Variants in MMP10 observed in about 807,000 individuals in gnomAD.
The protein encoded by MMP10 is matrix metallopeptidase 10, also known as stromelysin-2.
In MMP10, 50 loss-of-function variants were observed where a neutral mutation model predicts 49.1. The ratio of observed to expected loss-of-function variants is 1.02; its 90% CI spans 0.81 to 1.29. The LOEUF is 1.29. MMP10 is among the 50% of genes most tolerant of loss of function. The pLI, the probability that MMP10 is intolerant of heterozygous loss-of-function variation, is 0.00. For missense variants in MMP10, 613 were observed against 563.8 expected (o/e 1.09, Z -0.88); for synonymous variants, 229 against 201.6 (o/e 1.14, Z -1.15).
intron 9 of MMP10, 150 bp downstream of exon 9, chr11:102,771,862 A>G (rs1380432614): frequency 1.2e-5 from 8 of 641,744 alleles, no homozygotes; most frequent in Non-Finnish European, 2.2e-5. Context: ...CCCACTTTGC[A>G]TAAATTGGAA....
At chr11:102,775,064 A>C in intron 7 of MMP10, 124 bp downstream of exon 7, 1 of 662,370 alleles carries the variant, frequency 1.5e-6, no homozygotes, top group African/African-American at 1.9e-5. Context: ...TACAAATTTT[A>C]TTTAAGTGTT....
intron 4 of MMP10, among the ~76,000 whole-genome samples, chr11:102,777,059 G>A (rs530865170): frequency 6.6e-6 from 1 of 151,214 alleles, no homozygotes; most frequent in South Asian, 2.1e-4. Context: ...CAAATGAGAA[G>A]CATTATTTTC....
chr11:102,771,481 A>G (rs1307557134), intron 9 of MMP10, among the ~76,000 whole-genome samples: 1 of 152,210 alleles, frequency 6.6e-6, no homozygotes, highest in Non-Finnish European at 1.5e-5. Flanking sequence ...ATCAAGAACA[A>G]GTTTTGCTTT....
Position 102,776,876 on chromosome 11 carries a change from A to T in MMP10, c.623-100T>A, listed in dbSNP as rs77901490. The T allele has an allele frequency of 1.1e-3, 1,438 of 1,351,174 alleles. 14 individuals carry two copies. In the African/African-American group the frequency reaches 0.019, roughly 18 times the overall value. The allele number at this position is 1,351,174 out of a possible 1,614,324, so 83.7% of individuals were successfully genotyped here. A position where few individuals can be genotyped will look rare whatever the true frequency, so the allele number is the denominator to read the frequency against. ...CTGTACAGGCCATCCTTGAAACCACAATGTCTTTTCAGTATTTGTGGATTG... is the reference window on the plus strand; with the variant it reads ...CTGTACAGGCCATCCTTGAAACCACTATGTCTTTTCAGTATTTGTGGATTG... On this transcript the variant is annotated intron_variant, in intron 4 of 9. Transcript: ENST00000279441.
Position 102,772,945 on chromosome 11 carries a change from A to T in MMP10, c.1128T>A (p.His376Gln). 1.2e-6 allele frequency: 2 copies of T among 1,613,818 alleles called. No individual in the cohort carries two copies. Among genetic ancestry groups the T allele is most frequent in the East Asian group, 4.5e-5 (2 of 44,864 alleles). ...TTATGGTTGGAGGAAAACCCAGGGT[A>T]TGGATGCCTCTTGGATAACCTGCTT... ...EVQAGYPRGI[H>Q]TLGFPPTIRK... The change falls in exon 8 of 10, where the codon CAT (histidine) becomes CAA (glutamine). Residue 376 changes from histidine to glutamine, a missense_variant. Physicochemically the swap from His to Gln is conservative, Grantham distance 24. Coordinates refer to ENST00000279441, the MANE Select transcript of MMP10 (RefSeq NM_002425.3). This position sits in a 1 kb window ranked among gnomAD's most constrained non-coding sequence, Gnocchi z 4.4.
At chr11:102,773,108 C>A in intron 7 of MMP10, 102 bp from the exon 8 acceptor site, 2 of 1,095,496 alleles carry the variant, frequency 1.8e-6, no homozygotes, top group Non-Finnish European at 2.6e-6. Context: ...GTTTTAATTC[C>A]AACCTAATAA....
At position 102,778,745 on chromosome 11, in the gene MMP10, A is replaced by G; in HGVS notation, c.501T>C (p.His167=). ...DIMISFAVKE[H]GDFYSFDGPG... ...GGCCATCAAAAGAGTAAAAGTCTCC[A>G]TGTTCTGATAGGGAACAAATTAATG... The change falls in exon 4 of 10, where the codon CAT becomes CAC. Residue 167 remains histidine, a synonymous_variant. Coordinates refer to ENST00000279441, the MANE Select transcript of MMP10 (RefSeq NM_002425.3). 1.2e-6 allele frequency: 2 copies of G among 1,613,832 alleles called. No individual in the cohort carries two copies. Among genetic ancestry groups the G allele is most frequent in the Non-Finnish European group, 1.7e-6 (2 of 1,179,902 alleles).
chr11:102,771,942 T>A lies in MMP10; in HGVS notation c.1330+70A>T, dbSNP rs989106533. On this transcript the variant is annotated intron_variant, in intron 9 of 9. Transcript: ENST00000279441. ...AATGATTTAAAAACTGTTTTGATTCTGCACTTTATTTTGAAATCATAAAAA... is the reference window on the plus strand; with the variant it reads ...AATGATTTAAAAACTGTTTTGATTCAGCACTTTATTTTGAAATCATAAAAA... 45 of 966,490 alleles carry A rather than the reference T, an allele frequency of 4.7e-5. No individual in the cohort carries two copies. The Middle Eastern group carries it at 8.4e-4, about 18-fold the overall frequency. The allele number at this position is 966,490 out of a possible 1,614,324, so 59.9% of individuals were successfully genotyped here.
In MMP10 at chr11:102,772,261, C is replaced by T; in HGVS notation, c.1227-146G>A. Reference sequence around the variant, plus strand: ...AAAGTGTTAAACATTTTTAGAGCTACAAGAATAGGTTACTTTCCTGGGCTT... The same window carrying T: ...AAAGTGTTAAACATTTTTAGAGCTATAAGAATAGGTTACTTTCCTGGGCTT... On this transcript the variant is annotated intron_variant, in intron 8 of 9. Transcript: ENST00000279441. The surrounding 1 kb of genome is among the most constrained non-coding windows in gnomAD (Gnocchi z 4.4). The T allele has an allele frequency of 1.8e-6, 1 of 565,680 alleles. No homozygotes were observed. The highest frequency in any genetic ancestry group is 3.5e-5 in the Admixed American group (1 of 28,938). 35.0% of individuals were successfully genotyped at this position (565,680 alleles called of 1,614,324 possible). A position where few individuals can be genotyped will look rare whatever the true frequency, so the allele number is the denominator to read the frequency against.
intron 9 of MMP10, 44 bp downstream of exon 9, chr11:102,771,968 T>G: frequency 8.9e-7 from 1 of 1,127,632 alleles, no homozygotes. Flanking sequence ...ATCATAAAAA[T>G]GCCTGGAGAT....
intron 4 of MMP10, among the ~76,000 whole-genome samples, chr11:102,777,402 C>T (rs1435119840): frequency 6.6e-6 from 1 of 151,538 alleles, no homozygotes; most frequent in African/African-American, 2.4e-5. Context: ...ATTACAGGCA[C>T]GTGCTACCAT....
chr11:102,780,412 T>G, intron 1 of MMP10, 75 bp downstream of exon 1: 2 of 1,203,782 alleles, frequency 1.7e-6, no homozygotes, highest in South Asian at 2.5e-5. Flanking sequence ...GTCTAATCAT[T>G]CTGCTTTGTA....
rs769111304 is a variant in MMP10, at chr11:102,779,453, G to A, written c.347+51C>T. The A allele has an allele frequency of 3.7e-6, 6 of 1,609,282 alleles. No homozygotes were observed. In the Admixed American group the frequency reaches 6.7e-5, roughly 18 times the overall value. On this transcript the variant is annotated intron_variant, in intron 2 of 9. Coordinates refer to ENST00000279441, the MANE Select transcript of MMP10 (RefSeq NM_002425.3). The stretch of plus-strand genomic sequence containing the variant: ...TTTATGTTACTTATCCAAATATGAC[G>A]AGTAACTTATAAGGTTTCAATATTA...
intron 1 of MMP10, 79 bp from the exon 2 acceptor site, chr11:102,779,824 C>T (rs1857801217): frequency 2.7e-6 from 4 of 1,475,310 alleles, no homozygotes; most frequent in Non-Finnish European, 3.6e-6. Context: ...TCGTAATTTT[C>T]CTCTAGTTTC....
intron 3 of MMP10, 52 bp downstream of exon 3, chr11:102,779,161 A>G (rs973047171): frequency 6.3e-7 from 1 of 1,593,682 alleles, no homozygotes; most frequent in African/African-American, 1.3e-5. Context: ...AACTTGCTAT[A>G]GCAGTCTGAA....
At chr11:102,773,054 T>A (rs1402780183) in intron 7 of MMP10, 48 bp from the exon 8 acceptor site, 1 of 1,536,386 alleles carries the variant, frequency 6.5e-7, no homozygotes, top group Middle Eastern at 1.7e-4. Context: ...CCATTGATTT[T>A]AAAAATAATT....
intron 7 of MMP10, among the ~76,000 whole-genome samples, chr11:102,773,508 C>A (rs2134348408): frequency 1.3e-5 from 2 of 152,320 alleles, no homozygotes; most frequent in East Asian, 3.9e-4. Flanking sequence ...ACATCACTCT[C>A]CCAGACCCCA....
intron 3 of MMP10, 98 bp from the exon 4 acceptor site, chr11:102,778,847 G>T: frequency 7.1e-7 from 1 of 1,407,836 alleles, no homozygotes; most frequent in Non-Finnish European, 9.8e-7. Flanking sequence ...GAATGTTGGT[G>T]TCTGCTGCAA....
At position 102,770,786 on chromosome 11, in the gene MMP10, A is replaced by G. The variant is rs553253064; in HGVS notation, c.*7T>C. ...AAACACCCATATCTGTCTTCCCCCT[A>G]TCTCGCCTAGCAATGTAACCAGCTG... On this transcript the variant is annotated 3_prime_UTR_variant, in exon 10 of 10. Coordinates refer to ENST00000279441, the MANE Select transcript of MMP10 (RefSeq NM_002425.3). 1.9e-6 allele frequency: 3 copies of G among 1,572,908 alleles called. No homozygotes were observed. Among genetic ancestry groups the G allele is most frequent in the South Asian group, 2.3e-5 (2 of 87,540 alleles).
Sources: gnomAD v4.1 joint callset for allele counts (sites outside exome capture counted in the v4.1 genomes callset) on GRCh38, gnomAD v4.1.1 for gene constraint, Gnocchi (gnomAD v3.1) non-coding constraint, MANE v1.5 for transcripts, NCBI Gene and HGNC (gene_info 2026-07-23, HGNC 2026-07-21) for gene names.